Variants in AP3D1 observed in about 807,000 individuals in gnomAD.
The protein encoded by AP3D1 is adaptor related protein complex 3 subunit delta 1, also known as AP-3 complex subunit delta-1.
A neutral mutation model predicts 147.6 loss-of-function variants in AP3D1; 51 were observed. That is an observed-to-expected ratio of 0.35 (90% CI 0.28 to 0.44). The LOEUF is 0.44. Among genes scored for constraint, AP3D1 ranks in the 20% least tolerant of loss-of-function variants. The pLI is 1.00. For synonymous variants in AP3D1, 760 were observed against 663.0 expected, an observed-to-expected ratio of 1.15 and a Z score of -2.25; for missense variants, 1,421 against 1,624.2, an observed-to-expected ratio of 0.87 and a Z score of 2.15.
chr19:2,145,031 T>C (rs2019321010), intron 1 of AP3D1, among the ~76,000 whole-genome samples: 1 of 152,242 alleles, frequency 6.6e-6, no homozygotes, highest in African/African-American at 2.4e-5. Context: ...ACTGCACGTT[T>C]GTAAATATAC....
chr19:2,146,995 G>A (rs994064501), intron 1 of AP3D1, among the ~76,000 whole-genome samples: 3 of 151,328 alleles, frequency 2.0e-5, no homozygotes, highest in African/African-American at 7.3e-5. Context: ...ATCCACAGTG[G>A]TGAGGGGCAG....
At chr19:2,146,983 A>G (rs1413414126) in intron 1 of AP3D1, among the ~76,000 whole-genome samples, 2 of 152,022 alleles carry the variant, frequency 1.3e-5, no homozygotes, top group Non-Finnish European at 2.9e-5. Context: ...TCCAGCCCCA[A>G]CATCCACAGT....
intron 29 of AP3D1, 99 bp from the exon 30 acceptor site, chr19:2,109,306 C>A: frequency 6.9e-7 from 1 of 1,451,310 alleles, no homozygotes. Flanking sequence ...TGCGCTTGGA[C>A]ACCCTCCTGT....
At chr19:2,104,721 C>G (rs2018063983) in intron 31 of AP3D1, among the ~76,000 whole-genome samples, 2 of 141,578 alleles carry the variant, frequency 1.4e-5, no homozygotes, top group East Asian at 4.2e-4. Context: ...GGCTAGAGTA[C>G]AGTGGCACAA....
chr19:2,121,972 C>T (rs977341943), intron 11 of AP3D1, 93 bp from the exon 12 acceptor site: 33 of 1,435,752 alleles, frequency 2.3e-5, no homozygotes, highest in South Asian at 1.3e-4. Flanking sequence ...GTCTCCACCT[C>T]GGGAGGCTGC....
intron 3 of AP3D1, 64 bp downstream of exon 3, chr19:2,137,663 G>C: frequency 7.1e-7 from 1 of 1,405,354 alleles, no homozygotes; most frequent in Non-Finnish European, 1.0e-6. Context: ...AAATTGGCCA[G>C]TCACGGTGCC....
chr19:2,113,998 G>A (rs938977761), intron 22 of AP3D1, 127 bp downstream of exon 22: 18 of 1,440,412 alleles, frequency 1.2e-5, no homozygotes, highest in Admixed American at 2.8e-5. Context: ...GGCACAGGGC[G>A]AGGCGGCTGG....
At chr19:2,102,953 A>G (rs2018000044) in intron 31 of AP3D1, among the ~76,000 whole-genome samples, 1 of 150,910 alleles carries the variant, frequency 6.6e-6, no homozygotes, top group African/African-American at 2.4e-5. Context: ...CCATCTCAAA[A>G]ATAAATAAAT....
intron 21 of AP3D1, 131 bp downstream of exon 21, chr19:2,114,617 G>C (rs562595271): frequency 1.4e-6 from 1 of 739,840 alleles, no homozygotes; most frequent in East Asian, 2.6e-5. Context: ...CGTGGTCTGG[G>C]GAAGGCCCGC....
In AP3D1 at chr19:2,129,074, C is replaced by T. The variant is rs1754073309; in HGVS notation, c.806+16G>A. 1 of 1,570,490 alleles carries T rather than the reference C, an allele frequency of 6.4e-7. No individual in the cohort carries two copies. Among genetic ancestry groups the T allele is most frequent in the East Asian group, 2.3e-5 (1 of 42,982 alleles). On this transcript the variant is annotated intron_variant, in intron 8 of 31. Transcript: ENST00000643116. ...GTGGAGCCGGCCCGCCCCCACCGCG[C>T]ATGGCCTGCACTCACCTGTGGATGA...
intron 1 of AP3D1, among the ~76,000 whole-genome samples, chr19:2,150,089 G>GT (rs1198123664): frequency 6.6e-6 from 1 of 152,238 alleles, no homozygotes; most frequent in Non-Finnish European, 1.5e-5. Flanking sequence ...GTGTAAAGGT[G>GT]TAACAATACG....
chr19:2,163,531 C>G (rs1329384789), intron 1 of AP3D1, among the ~76,000 whole-genome samples: 1 of 149,526 alleles, frequency 6.7e-6, no homozygotes, highest in Non-Finnish European at 1.5e-5. Flanking sequence ...GCATTGTTGT[C>G]GAATGAATAC....
At chr19:2,146,396 G>A (rs2144557061) in intron 1 of AP3D1, among the ~76,000 whole-genome samples, 1 of 152,236 alleles carries the variant, frequency 6.6e-6, no homozygotes, top group Middle Eastern at 3.4e-3. Flanking sequence ...TTGAGGTCAG[G>A]AGTTTGAGAC....
chr19:2,137,843 C>A, intron 2 of AP3D1, 36 bp from the exon 3 acceptor site: 1 of 1,603,422 alleles, frequency 6.2e-7, no homozygotes, highest in African/African-American at 1.3e-5. Flanking sequence ...CACTCACAAG[C>A]CAAAGCAGAG....
chr19:2,109,377 GC>G, intron 29 of AP3D1, 170 bp from the exon 30 acceptor site: 1 of 861,418 alleles, frequency 1.2e-6, no homozygotes, highest in Non-Finnish European at 1.7e-6. Flanking sequence ...ATGTGCGGAA[GC>G]CGTCACACCC....
chr19:2,111,077 G>A (rs565733361), intron 26 of AP3D1, 181 bp from the exon 27 acceptor site: 17 of 910,570 alleles, frequency 1.9e-5, no homozygotes, highest in Admixed American at 8.0e-5. Flanking sequence ...AGTGCATGGC[G>A]GGGACCCTCC....
intron 1 of AP3D1, among the ~76,000 whole-genome samples, chr19:2,141,040 T>C (rs1483715002): frequency 7.0e-4 from 107 of 152,204 alleles, no homozygotes; most frequent in Non-Finnish European, 1.5e-5. Context: ...ATAACAGGCA[T>C]GAGCCACTGC....
intron 11 of AP3D1, 37 bp from the exon 12 acceptor site, chr19:2,121,916 A>G (rs2018623351): frequency 1.3e-6 from 2 of 1,579,416 alleles, no homozygotes; most frequent in Non-Finnish European, 1.7e-6. Flanking sequence ...ACTGGGACGG[A>G]CACAGGCAGC....
chr19:2,103,909 G>A (rs2018029618), intron 31 of AP3D1, among the ~76,000 whole-genome samples: 1 of 151,738 alleles, frequency 6.6e-6, no homozygotes, highest in Admixed American at 6.6e-5. Context: ...AGACCCCAAT[G>A]CCAAGATCAC....
Sources: allele counts gnomAD v4.1 joint callset (sites outside exome capture counted in the v4.1 genomes callset), GRCh38; gene constraint gnomAD v4.1.1; transcripts MANE v1.5; gene names NCBI Gene and HGNC (gene_info 2026-07-23, HGNC 2026-07-21).